Variants in MTR observed in about 807,000 individuals in gnomAD.
MTR encodes methionine synthase.
Under a neutral mutation model 154.8 loss-of-function variants are expected in MTR, and 84 were observed. The observed-to-expected ratio is 0.54, with a 90% CI of 0.45 to 0.65. The LOEUF is 0.65. Among genes scored for constraint, MTR ranks in the 30% least tolerant of loss-of-function variants. The pLI is 0.00. For synonymous variants in MTR, 554 were observed against 553.9 expected (o/e 1.00, Z 0.00); for missense variants, 1,275 against 1,570.2 (o/e 0.81, Z 3.18).
intron 27 of MTR, among the ~76,000 whole-genome samples, chr1:236,887,276 G>T (rs1442939166): frequency 6.6e-6 from 1 of 152,182 alleles, no homozygotes; most frequent in Non-Finnish European, 1.5e-5. Context: ...AGTTCAGCGT[G>T]GTTTGGTGGA....
At chr1:236,820,610 C>T (rs542750113) in intron 8 of MTR, 14 of 547,540 alleles carry the variant, frequency 2.6e-5, no homozygotes, top group South Asian at 2.0e-4. Context: ...AAAAAGTTTC[C>T]GTAAACATTC....
At chr1:236,891,824 AC>A (rs1666339589) in intron 29 of MTR, among the ~76,000 whole-genome samples, 1 of 151,340 alleles carries the variant, frequency 6.6e-6, no homozygotes. Context: ...TAATTTCCAC[AC>A]AGCCGTGTGA....
At chr1:236,886,763 T>C (rs1666032384) in intron 27 of MTR, among the ~76,000 whole-genome samples, 1 of 152,232 alleles carries the variant, frequency 6.6e-6, no homozygotes, top group Non-Finnish European at 1.5e-5. Context: ...CCCGTCTCCT[T>C]GAAGGAAGTT....
intron 19 of MTR, among the ~76,000 whole-genome samples, chr1:236,860,653 T>G (rs1490264478): frequency 6.6e-6 from 1 of 152,198 alleles, no homozygotes; most frequent in African/African-American, 2.4e-5. Flanking sequence ...AACTTACTGA[T>G]TTCTCCACAG....
At chr1:236,863,380 T>G (rs1376802221) in intron 21 of MTR, 74 bp from the exon 22 acceptor site, 2 of 1,184,010 alleles carry the variant, frequency 1.7e-6, no homozygotes, top group East Asian at 4.8e-5. Flanking sequence ...TGCTGGCCCC[T>G]GCCTGGCTCT....
chr1:236,861,988 C>G (rs1021741231), intron 20 of MTR, among the ~76,000 whole-genome samples: 1 of 152,162 alleles, frequency 6.6e-6, no homozygotes. Context: ...AAAAACAAGC[C>G]AAAGTTCAGA....
intron 18 of MTR, among the ~76,000 whole-genome samples, chr1:236,853,902 GTTC>G (rs1036764903): frequency 1.3e-5 from 2 of 152,208 alleles, no homozygotes; most frequent in Admixed American, 6.5e-5. Context: ...ATCGTAGATG[GTTC>G]TTCTTAGAAT....
chr1:236,817,204 T>A (rs955516), intron 8 of MTR, among the ~76,000 whole-genome samples: 53,101 of 151,996 alleles, frequency 0.35, 10,015 homozygotes, highest in Non-Finnish European at 0.41. Flanking sequence ...GAAGAGTATC[T>A]GAGTATATAT....
chr1:236,895,388 C>T lies in MTR; in HGVS notation c.3436C>T (p.Arg1146Cys), dbSNP rs1465246067. 3.1e-6 allele frequency: 5 copies of T among 1,603,430 alleles called. No individual in the cohort carries two copies. The highest frequency in any genetic ancestry group is 2.2e-5 in the East Asian group (1 of 44,642). ...AFAEELHERVRRELWAYCGSE... is the reference protein window; with the variant it reads ...AFAEELHERVCRELWAYCGSE... ...TGCAGAAGAGCTCCATGAAAGAGTT[C>T]GCCGAGAACTGTGGGCCTACTGTGG... The change falls in exon 31 of 33, where the codon CGC becomes TGC. Residue 1146 changes from arginine (R) to cysteine (C), a missense_variant. Coordinates refer to ENST00000366577, the MANE Select transcript of MTR (RefSeq NM_000254.3).
At chr1:236,887,539 A>C (rs191690028) in intron 27 of MTR, among the ~76,000 whole-genome samples, 22 of 152,258 alleles carry the variant, frequency 1.4e-4, no homozygotes, top group Admixed American at 3.9e-4. Flanking sequence ...TGGAATAATA[A>C]CACAAGGGCA....
At chr1:236,893,118 ATC>A (rs1003211235) in intron 29 of MTR, among the ~76,000 whole-genome samples, 4 of 151,974 alleles carry the variant, frequency 2.6e-5, no homozygotes, top group African/African-American at 4.8e-5. Flanking sequence ...GGGCTCTGTG[ATC>A]TCTCTCTCCT....
chr1:236,867,002 G>C (rs1398346887), intron 22 of MTR, among the ~76,000 whole-genome samples: 1 of 152,236 alleles, frequency 6.6e-6, no homozygotes, highest in Non-Finnish European at 1.5e-5. Context: ...AAGTGCAGGT[G>C]CTGATGGAGA....
intron 16 of MTR, among the ~76,000 whole-genome samples, chr1:236,851,680 T>C (rs1197474342): frequency 6.6e-6 from 1 of 152,200 alleles, no homozygotes; most frequent in Non-Finnish European, 1.5e-5. Context: ...TACCACAAAA[T>C]AGTAAGAATT....
At chr1:236,804,173 CA>C (rs1660845584) in intron 2 of MTR, among the ~76,000 whole-genome samples, 1 of 152,130 alleles carries the variant, frequency 6.6e-6, no homozygotes, top group Admixed American at 6.5e-5. Flanking sequence ...AGAGAGAGAA[CA>C]AAAAACTCTC....
In MTR at chr1:236,852,845, A is replaced by G. The variant is rs76035443; in HGVS notation, c.1813-103A>G. 4.1e-3 allele frequency: 5,689 copies of G among 1,381,248 alleles called. 201 individuals are homozygous for G. The African/African-American group carries it at 0.07, about 17-fold the overall frequency. 85.6% of individuals were successfully genotyped at this position (1,381,248 alleles called of 1,614,324 possible). A position where few individuals can be genotyped will look rare whatever the true frequency, so the allele number is the denominator to read the frequency against. ...AAGTTGAGTAGCTGTGACAGAGGCTATGGCCTAAAATATTTCTCTCTGGCC... is the reference window on the plus strand; with the variant it reads ...AAGTTGAGTAGCTGTGACAGAGGCTGTGGCCTAAAATATTTCTCTCTGGCC... On this transcript the variant is annotated intron_variant, in intron 17 of 32. Coordinates refer to ENST00000366577, the MANE Select transcript of MTR (RefSeq NM_000254.3).
At chr1:236,823,003 C>T (rs758505812) in intron 8 of MTR, among the ~76,000 whole-genome samples, 1 of 151,950 alleles carries the variant, frequency 6.6e-6, no homozygotes, top group Non-Finnish European at 1.5e-5. Flanking sequence ...AGGAAATTTC[C>T]CCCTATTCCT....
chr1:236,889,367 C>T, intron 28 of MTR, 31 bp downstream of exon 28: 3 of 1,613,348 alleles, frequency 1.9e-6, no homozygotes, highest in Non-Finnish European at 8.5e-7. Context: ...CTTTCTGCCT[C>T]TGATATTCAA....
At chr1:236,865,309 C>T (rs979370448) in intron 22 of MTR, among the ~76,000 whole-genome samples, 2 of 152,244 alleles carry the variant, frequency 1.3e-5, no homozygotes, top group Non-Finnish European at 2.9e-5. Flanking sequence ...AACTTCATGT[C>T]AAACACTCCT....
chr1:236,856,265 T>C (rs1215576579), intron 18 of MTR, among the ~76,000 whole-genome samples: 1 of 152,172 alleles, frequency 6.6e-6, no homozygotes, highest in Non-Finnish European at 1.5e-5. Context: ...AGTTGTCTGA[T>C]TGTGTGGCTA....
Sources: allele counts gnomAD v4.1 joint callset (sites outside exome capture counted in the v4.1 genomes callset), GRCh38; gene constraint gnomAD v4.1.1; transcripts MANE v1.5; gene names NCBI Gene and HGNC (gene_info 2026-07-23, HGNC 2026-07-21).